Variants in USP25 observed in about 807,000 individuals in gnomAD.
USP25 encodes ubiquitin carboxyl-terminal hydrolase 25.
A neutral mutation model predicts 158.5 loss-of-function variants in USP25; 85 were observed. The observed-to-expected ratio is 0.54, with a 90% CI of 0.45 to 0.64. The LOEUF is 0.64. USP25 is among the 30% of genes least tolerant of loss of function. The pLI is 0.00. For synonymous variants in USP25, 464 were observed against 460.4 expected (o/e 1.01, Z -0.10); for missense variants, 1,242 against 1,327.3 (o/e 0.94, Z 1.00).
chr21:15,849,369 G>A (rs917623259), intron 19 of USP25, among the ~76,000 whole-genome samples: 1 of 152,168 alleles, frequency 6.6e-6, no homozygotes, highest in African/African-American at 2.4e-5. Context: ...AGGATGACTA[G>A]ACAAGGGGCA....
intron 23 of USP25, among the ~76,000 whole-genome samples, chr21:15,872,882 A>G (rs1203578602): frequency 1.3e-5 from 2 of 152,062 alleles, no homozygotes; most frequent in East Asian, 3.8e-4. Flanking sequence ...TCTAGAGTTT[A>G]AAATTGTGTT....
chr21:15,841,899 C>G (rs961472248), intron 17 of USP25, among the ~76,000 whole-genome samples: 1 of 152,048 alleles, frequency 6.6e-6, no homozygotes, highest in African/African-American at 2.4e-5. Context: ...TTTATTGGTA[C>G]CAGTTTGCCT....
Position 15,792,191 on chromosome 21 carries a change from C to CT in USP25, c.555+534dup, listed in dbSNP as rs557852386. Among the ~76,000 whole-genome samples, 750 of 151,650 alleles carry CT rather than the reference C, an allele frequency of 4.9e-3. 6 individuals are homozygous for CT. The highest frequency in any genetic ancestry group is 0.017 in the African/African-American group (685 of 41,442). On this transcript the variant is annotated intron_variant, in intron 5 of 25. Transcript: ENST00000400183. ...TGATAAATCAAGAATAACACATTGT[C>CT]TTTTTTTACTAAGAAATCCCTTAAT...
rs748219724 is a variant in USP25, at chr21:15,874,468, G to A, written c.2951G>A (p.Gly984Asp). ...YQNNKELLSK[G>D]LYRGHDEELI... ...AATAACAAAGAACTCTTGTCTAAAGGCTTATACAGAGGACATGATGAAGAA... is the reference window on the plus strand; with the variant it reads ...AATAACAAAGAACTCTTGTCTAAAGACTTATACAGAGGACATGATGAAGAA... Residue 984 changes from glycine to aspartate, a missense_variant, in exon 24 of 26, where the codon GGC (glycine) becomes GAC (aspartate). Gly to Asp is a moderately conservative substitution (Grantham distance 94, BLOSUM62 -1). Around this residue, in one of 3 missense-constraint regions of USP25, gnomAD observed 608 missense variants for 605.2 expected, o/e 1.00. Transcript: ENST00000400183. 2.5e-6 allele frequency: 4 copies of A among 1,611,176 alleles called. No homozygotes were observed. The African/African-American group carries it at 4.0e-5, about 16-fold the overall frequency.
chr21:15,866,897 A>G (rs771694531), intron 22 of USP25, among the ~76,000 whole-genome samples: 1 of 152,166 alleles, frequency 6.6e-6, no homozygotes. Flanking sequence ...AGCTTGGCTA[A>G]TAGAACCTAC....
At chr21:15,806,727 A>G (rs892764136) in intron 7 of USP25, among the ~76,000 whole-genome samples, 3 of 152,200 alleles carry the variant, frequency 2.0e-5, no homozygotes, top group Non-Finnish European at 4.4e-5. Context: ...TCTGTTCCCT[A>G]AACACTTGAA....
At chr21:15,801,125 A>G (rs2036113848) in intron 6 of USP25, among the ~76,000 whole-genome samples, 2 of 151,532 alleles carry the variant, frequency 1.3e-5, no homozygotes, top group African/African-American at 4.8e-5. Flanking sequence ...TTTGTGTGAA[A>G]TGGTTGAGAA....
intron 3 of USP25, among the ~76,000 whole-genome samples, chr21:15,769,966 GT>G (rs796165950): frequency 2.7e-5 from 4 of 147,970 alleles, no homozygotes; most frequent in African/African-American, 5.0e-5. Flanking sequence ...TTTATAAGCC[GT>G]TTTTTTTTTC....
chr21:15,804,319 G>T (rs1322524588), intron 6 of USP25, among the ~76,000 whole-genome samples: 2 of 151,376 alleles, frequency 1.3e-5, no homozygotes, highest in East Asian at 3.9e-4. Context: ...GATTTCAGAG[G>T]AATATTAGGA....
chr21:15,730,976 G>GTTTTTTTTTTTTTTTTTTTTTTTTTTT (rs748732727), intron 1 of USP25, among the ~76,000 whole-genome samples: 1 of 53,646 alleles, frequency 1.9e-5, no homozygotes, highest in African/African-American at 6.9e-5. Flanking sequence ...CTTCTTTTCT[G>GTTTTTTTTTTTTTTTTTTTTTTTTTTT]TTTTTTTTTT....
intron 9 of USP25, among the ~76,000 whole-genome samples, chr21:15,815,407 T>G (rs1293040628): frequency 1.3e-5 from 2 of 152,150 alleles, no homozygotes; most frequent in Non-Finnish European, 1.5e-5. Context: ...GACCCCAGAA[T>G]GTTAGATCCA....
intron 2 of USP25, among the ~76,000 whole-genome samples, chr21:15,765,735 A>C (rs1313785856): frequency 1.3e-5 from 2 of 152,108 alleles, no homozygotes; most frequent in African/African-American, 4.8e-5. Flanking sequence ...TTTATTAAGC[A>C]GATAGGAAAG....
intron 14 of USP25, among the ~76,000 whole-genome samples, chr21:15,827,541 A>T (rs912440102): frequency 1.3e-5 from 2 of 152,218 alleles, no homozygotes; most frequent in Admixed American, 6.5e-5. Flanking sequence ...GTACATATCA[A>T]TTAGGTACTA....
At chr21:15,773,473 G>GT (rs896842655) in intron 3 of USP25, among the ~76,000 whole-genome samples, 150 of 147,140 alleles carry the variant, frequency 1.0e-3, no homozygotes, top group African/African-American at 2.4e-3. Context: ...AGGTCTTCTG[G>GT]TTTTTTTTTT....
intron 1 of USP25, among the ~76,000 whole-genome samples, chr21:15,731,328 G>A (rs1169300896): frequency 3.3e-5 from 5 of 152,052 alleles, no homozygotes; most frequent in Middle Eastern, 6.8e-3. Context: ...AAGCATTTTG[G>A]GCAAAAGAGT....
Position 15,736,744 on chromosome 21 carries a change from T to C in USP25, c.45+6306T>C, listed in dbSNP as rs531257709. 3.9e-5 allele frequency among the ~76,000 whole-genome samples: 6 copies of C among 152,236 alleles called. No individual in the cohort carries two copies. The East Asian group carries it at 9.6e-4, about 24-fold the overall frequency. ...AGACATTTTAGCATGTTTTTTCTTA[T>C]GGTATTCCTAGTTTTGTTGGGATAA... is the stretch of plus-strand genomic sequence containing the variant. On this transcript the variant is annotated intron_variant, in intron 1 of 25. Coordinates refer to ENST00000400183, the MANE Select transcript of USP25 (RefSeq NM_001283041.3).
At chr21:15,852,204 G>A (rs1018107914) in intron 20 of USP25, among the ~76,000 whole-genome samples, 6 of 151,838 alleles carry the variant, frequency 4.0e-5, no homozygotes, top group African/African-American at 1.5e-4. Flanking sequence ...AATTACTACA[G>A]AATTTCTATT....
chr21:15,774,219 T>C (rs1442749839), intron 3 of USP25, among the ~76,000 whole-genome samples: 1 of 152,170 alleles, frequency 6.6e-6, no homozygotes, highest in Non-Finnish European at 1.5e-5. Context: ...GTTTCTTGCT[T>C]TTTGGATGGA....
chr21:15,749,732 C>G (rs2123299373), intron 1 of USP25, among the ~76,000 whole-genome samples: 1 of 152,218 alleles, frequency 6.6e-6, no homozygotes, highest in African/African-American at 2.4e-5. Context: ...TAGGAAAGAT[C>G]TTATAAAGGA....
Sources: allele counts gnomAD v4.1 joint callset (sites outside exome capture counted in the v4.1 genomes callset), GRCh38; gene constraint gnomAD v4.1.1; regional missense constraint gnomAD v4.1.1; transcripts MANE v1.5; gene names NCBI Gene and HGNC (gene_info 2026-07-23, HGNC 2026-07-21).